BACH2: variants seen among roughly 807,000 people sequenced by gnomAD.
BACH2 encodes the protein transcription regulator protein BACH2.
A neutral mutation model predicts 61.8 loss-of-function variants in BACH2; 5 were observed. The ratio of observed to expected loss-of-function variants is 0.08; its 90% CI spans 0.04 to 0.17. The LOEUF is 0.17. Ranked by LOEUF, BACH2 falls within the 10% of genes least tolerant of loss-of-function variation. The probability of loss-of-function intolerance (pLI) is 1.00; values close to 1 mark genes in which losing one functional copy is unlikely to be tolerated. For missense variants in BACH2, 824 were observed against 1,091.1 expected (o/e 0.76, Z 3.45); for synonymous variants, 446 against 440.1 (o/e 1.01, Z -0.17).
At chr6:90,080,980 C>T (rs181093029) in intron 5 of BACH2, among the ~76,000 whole-genome samples, 8 of 152,202 alleles carry the variant, frequency 5.3e-5, no homozygotes, top group East Asian at 3.9e-4. Flanking sequence ...GTGGGTCATA[C>T]GCCACTGAGA....
intron 4 of BACH2, among the ~76,000 whole-genome samples, chr6:90,098,185 T>G (rs1253432363): frequency 1.3e-5 from 2 of 152,198 alleles, no homozygotes; most frequent in East Asian, 3.8e-4. Flanking sequence ...TAAACAGGGT[T>G]TTAAAGTCTT....
At chr6:90,264,799 T>C (rs1417953777) in intron 2 of BACH2, among the ~76,000 whole-genome samples, 1 of 152,174 alleles carries the variant, frequency 6.6e-6, no homozygotes, top group Non-Finnish European at 1.5e-5. Context: ...CTGCTGTCTC[T>C]CCAGCTGTCA....
At chr6:90,187,859 TAG>T (rs1768415277) in intron 4 of BACH2, among the ~76,000 whole-genome samples, 1 of 152,214 alleles carries the variant, frequency 6.6e-6, no homozygotes, top group African/African-American at 2.4e-5. Context: ...AAGTACATTT[TAG>T]ATAGAGGCTG....
Position 90,092,588 on chromosome 6 carries a change from AT to A in BACH2, c.-161-3480del, listed in dbSNP as rs140809729. ...GGGATCACATGAGAATGTATACAGA[AT>A]TTTTTTTGCAGATTATAAGACATAC... On this transcript the variant is annotated intron_variant, in intron 4 of 8. Transcript: ENST00000257749. Among the ~76,000 whole-genome samples, 524 of 151,728 alleles carry A rather than the reference AT, an allele frequency of 3.5e-3. 19 individuals carry two copies. The East Asian group carries it at 0.078, about 23-fold the overall frequency.
intron 1 of BACH2, among the ~76,000 whole-genome samples, chr6:90,296,192 C>A (rs963555980): frequency 6.6e-6 from 1 of 151,998 alleles, no homozygotes; most frequent in South Asian, 2.1e-4. Flanking sequence ...CACCCTTCGA[C>A]GCCAGCAAAA....
intron 2 of BACH2, among the ~76,000 whole-genome samples, chr6:90,264,680 G>A (rs1771268242): frequency 6.6e-6 from 1 of 152,194 alleles, no homozygotes; most frequent in South Asian, 2.1e-4. Flanking sequence ...TCCTGGAAGT[G>A]TGTATCTGGG....
chr6:89,993,436 T>C (rs1272834163), intron 6 of BACH2, among the ~76,000 whole-genome samples: 3 of 151,860 alleles, frequency 2.0e-5, no homozygotes, highest in Admixed American at 6.6e-5. Flanking sequence ...GATAAAAAAG[T>C]GAAAAAAAGA....
chr6:90,192,452 C>A (rs1261547209), intron 4 of BACH2, among the ~76,000 whole-genome samples: 1 of 152,084 alleles, frequency 6.6e-6, no homozygotes, highest in African/African-American at 2.4e-5. Flanking sequence ...CACGTTCAAC[C>A]TTCAAAATAA....
At chr6:90,114,644 T>C (rs573929906) in intron 4 of BACH2, among the ~76,000 whole-genome samples, 18 of 152,248 alleles carry the variant, frequency 1.2e-4, no homozygotes, top group Admixed American at 3.3e-4. Context: ...TTATTCAACA[T>C]AGCACTGGAA....
At chr6:89,965,606 A>G (rs1210633220) in intron 6 of BACH2, among the ~76,000 whole-genome samples, 1 of 152,232 alleles carries the variant, frequency 6.6e-6, no homozygotes, top group Non-Finnish European at 1.5e-5. Flanking sequence ...AGCTAGCCCT[A>G]GTACTGCCCA....
chr6:90,257,802 G>C (rs1376572003), intron 2 of BACH2, among the ~76,000 whole-genome samples: 2 of 152,050 alleles, frequency 1.3e-5, no homozygotes, highest in Non-Finnish European at 2.9e-5. Context: ...TTGAGATGGA[G>C]TCTCACTCTG....
At chr6:90,166,769 A>G (rs1192979262) in intron 4 of BACH2, among the ~76,000 whole-genome samples, 3 of 152,158 alleles carry the variant, frequency 2.0e-5, no homozygotes, top group Non-Finnish European at 2.9e-5. Context: ...CATGGATGGA[A>G]GCTGGAAACC....
At chr6:90,089,251 T>G (rs968905693) in intron 4 of BACH2, 142 bp from the exon 5 acceptor site, 1 of 152,172 alleles carries the variant, frequency 6.6e-6, no homozygotes, top group Non-Finnish European at 1.5e-5. Flanking sequence ...GTCGGCCTCT[T>G]GACCAATCCT....
intron 4 of BACH2, among the ~76,000 whole-genome samples, chr6:90,163,888 T>C (rs558772918): frequency 6.6e-6 from 1 of 152,226 alleles, no homozygotes; most frequent in African/African-American, 2.4e-5. Flanking sequence ...ACAAATTGAA[T>C]GTAGATCAAA....
chr6:90,238,661 G>A (rs778701110), intron 3 of BACH2, among the ~76,000 whole-genome samples: 1 of 152,214 alleles, frequency 6.6e-6, no homozygotes, highest in Non-Finnish European at 1.5e-5. Context: ...GGTCTTGCTT[G>A]AGAGAAACTC....
chr6:89,928,949 G>A lies in BACH2; in HGVS notation c.*3459C>T, dbSNP rs1260571982. On this transcript the variant is annotated 3_prime_UTR_variant, in exon 9 of 9. Coordinates refer to ENST00000257749, the MANE Select transcript of BACH2 (RefSeq NM_021813.4). ...TTCGATTTTAATCAAGGCACCCCCA[G>A]GTAACGCAGAGAAACAAACACATAC... 6.6e-6 allele frequency: 1 copy of A among 152,328 alleles called. No individual in the cohort carries two copies. The highest frequency in any genetic ancestry group is 1.9e-4 in the East Asian group (1 of 5,300). The allele number at this position is 152,328 out of a possible 1,614,324, so 9.4% of individuals were successfully genotyped here. A position where few individuals can be genotyped will look rare whatever the true frequency, so the allele number is the denominator to read the frequency against.
At chr6:90,211,601 T>TGA (rs1769353594) in intron 3 of BACH2, among the ~76,000 whole-genome samples, 1 of 130,790 alleles carries the variant, frequency 7.6e-6, no homozygotes, top group African/African-American at 2.7e-5. Flanking sequence ...TGTGTGTGTG[T>TGA]GTGTGTGTGT....
intron 6 of BACH2, among the ~76,000 whole-genome samples, chr6:89,984,816 T>C (rs570380209): frequency 1.5e-4 from 23 of 152,336 alleles, no homozygotes; most frequent in African/African-American, 5.5e-4. Flanking sequence ...AAAAGAAACT[T>C]GTCCTAAGCA....
At chr6:90,099,554 T>G (rs182518493) in intron 4 of BACH2, among the ~76,000 whole-genome samples, 14 of 152,258 alleles carry the variant, frequency 9.2e-5, no homozygotes, top group Admixed American at 7.8e-4. Flanking sequence ...ATGTTTTTTG[T>G]TTTTGTTTTT....
Sources: gnomAD v4.1 joint callset for allele counts (sites outside exome capture counted in the v4.1 genomes callset) on GRCh38, gnomAD v4.1.1 for gene constraint, MANE v1.5 for transcripts, NCBI Gene and HGNC (gene_info 2026-07-23, HGNC 2026-07-21) for gene names.